The following TMPRSS12 variants were observed in gnomAD, a reference collection of about 807,000 sequenced individuals.
TMPRSS12 encodes the protein transmembrane protease serine 12.
TMPRSS12 carries 25 observed loss-of-function variants against 26.0 expected under a neutral mutation model. The ratio of observed to expected loss-of-function variants is 0.96; its 90% confidence interval spans 0.70 to 1.34. The LOEUF (loss-of-function observed/expected upper bound fraction) is 1.34, where lower values mean the gene tolerates loss of function less well. TMPRSS12 is among the 40% of genes most tolerant of loss of function. The pLI, the probability that TMPRSS12 is intolerant of heterozygous loss-of-function variation, is 0.00. For synonymous variants in TMPRSS12, 150 were observed against 161.7 expected, an observed-to-expected ratio of 0.93 and a Z score of 0.55; for missense variants, 441 against 440.1, an observed-to-expected ratio of 1.00 and a Z score of -0.02.
chr12:50,862,157 G>A, intron 3 of TMPRSS12, among the ~76,000 whole-genome samples: 1 of 152,128 alleles, frequency 6.6e-6, no homozygotes, highest in East Asian at 1.9e-4. Flanking sequence ...TCTTTAAAGT[G>A]AGAGCAATGA....
chr12:50,854,931 G>T (rs920490098), intron 2 of TMPRSS12, among the ~76,000 whole-genome samples: 2 of 151,248 alleles, frequency 1.3e-5, no homozygotes, highest in Admixed American at 1.3e-4. Context: ...TCAAATTACC[G>T]ACAACATTTT....
intron 2 of TMPRSS12, among the ~76,000 whole-genome samples, chr12:50,856,123 T>C (rs78631934): frequency 6.6e-6 from 1 of 152,258 alleles, no homozygotes; most frequent in East Asian, 1.9e-4. Flanking sequence ...GGTGGTGAAA[T>C]AATCTGTACA....
intron 3 of TMPRSS12, among the ~76,000 whole-genome samples, chr12:50,869,262 C>T (rs974453939): frequency 1.3e-5 from 2 of 151,896 alleles, no homozygotes; most frequent in Non-Finnish European, 2.9e-5. Flanking sequence ...GCAGGATTAA[C>T]CAAGAAACGA....
intron 3 of TMPRSS12, among the ~76,000 whole-genome samples, chr12:50,864,471 T>C (rs183966525): frequency 1.1e-4 from 17 of 152,042 alleles, no homozygotes; most frequent in African/African-American, 3.9e-4. Context: ...CAACCAAATA[T>C]CAGTTCAAAG....
intron 2 of TMPRSS12, among the ~76,000 whole-genome samples, chr12:50,853,545 GAATA>G (rs1937846010): frequency 3.6e-5 from 2 of 56,162 alleles, no homozygotes; most frequent in Non-Finnish European, 7.4e-5. Context: ...TTTTTTGAAA[GAATA>G]AATAAGATTG....
At chr12:50,870,851 CAAAAA>C (rs55702806) in intron 3 of TMPRSS12, among the ~76,000 whole-genome samples, 1 of 138,704 alleles carries the variant, frequency 7.2e-6, no homozygotes. Context: ...ATGATAGTTG[CAAAAA>C]AAAAAAAAAA....
At chr12:50,870,888 AAGG>A (rs1938036541) in intron 3 of TMPRSS12, among the ~76,000 whole-genome samples, 1 of 152,106 alleles carries the variant, frequency 6.6e-6, no homozygotes, top group Non-Finnish European at 1.5e-5. Context: ...ATACCTAACA[AAGG>A]AGGCAAAAGA....
intron 3 of TMPRSS12, among the ~76,000 whole-genome samples, chr12:50,871,786 G>C (rs1183462878): frequency 6.6e-6 from 1 of 152,010 alleles, no homozygotes; most frequent in Non-Finnish European, 1.5e-5. Context: ...GACATGAATA[G>C]GCAATTCTCA....
chr12:50,865,965 A>G (rs1241048398), intron 3 of TMPRSS12, among the ~76,000 whole-genome samples: 1 of 152,170 alleles, frequency 6.6e-6, no homozygotes, highest in African/African-American at 2.4e-5. Flanking sequence ...GGGAGGCAGA[A>G]CTAGATTGCA....
At chr12:50,857,015 G>C (rs983162643) in intron 2 of TMPRSS12, among the ~76,000 whole-genome samples, 17 of 152,058 alleles carry the variant, frequency 1.1e-4, no homozygotes, top group African/African-American at 4.1e-4. Context: ...GTAAGAAAAT[G>C]AGAAAACAGA....
chr12:50,843,011 C>G lies in TMPRSS12; in HGVS notation c.47C>G (p.Ser16Cys). 6.2e-7 allele frequency: 1 copy of G among 1,606,058 alleles called. No individual in the cohort carries two copies. Among genetic ancestry groups the G allele is most frequent in the Non-Finnish European group, 8.5e-7 (1 of 1,176,464 alleles). Residue 16 changes from serine to cysteine, a missense_variant, in exon 1 of 5, where the codon TCT becomes TGT. By Grantham distance (112) the Ser-to-Cys change is moderately radical. Coordinates refer to ENST00000398458, the MANE Select transcript of TMPRSS12 (RefSeq NM_182559.3). ...LSVALLFVGS[S>C]HLYSDHYSPS... is the part of the protein sequence containing the mutation. ...GTGGCGCTGTTGTTTGTGGGGAGCT[C>G]TCACTTATACTCAGACCACTACTCG...
At chr12:50,884,035 T>G (rs1938199984) in intron 3 of TMPRSS12, among the ~76,000 whole-genome samples, 1 of 152,086 alleles carries the variant, frequency 6.6e-6, no homozygotes, top group African/African-American at 2.4e-5. Context: ...AAATTAGAAG[T>G]CTCTTGATGG....
intron 3 of TMPRSS12, among the ~76,000 whole-genome samples, chr12:50,872,920 C>T (rs1318068192): frequency 1.4e-5 from 1 of 72,288 alleles, no homozygotes; most frequent in Non-Finnish European, 2.9e-5. Context: ...TATATATGTA[C>T]ATATATGATG....
chr12:50,872,309 C>T (rs535162834), intron 3 of TMPRSS12, among the ~76,000 whole-genome samples: 251 of 149,766 alleles, frequency 1.7e-3, no homozygotes, highest in Middle Eastern at 0.01. Context: ...GTCAGGAGAT[C>T]GAGACCATCC....
intron 3 of TMPRSS12, among the ~76,000 whole-genome samples, chr12:50,878,952 C>T (rs889235344): frequency 6.6e-6 from 1 of 152,158 alleles, no homozygotes; most frequent in Admixed American, 6.5e-5. Context: ...AGCTGCCTTG[C>T]CCTTCCACCA....
chr12:50,865,699 GA>G lies in TMPRSS12; in HGVS notation c.652+6658del, dbSNP rs5798154. ...CATTATACTGAAGTTGAACAACAAA[GA>G]AAAAAAAAAAACAGAAGATCTGAAA... On this transcript the variant is annotated intron_variant, in intron 3 of 4. Transcript: ENST00000398458. 3.5e-3 allele frequency among the ~76,000 whole-genome samples: 464 copies of G among 131,024 alleles called. 6 individuals carry two copies. Among genetic ancestry groups the G allele is most frequent in the African/African-American group, 0.01 (361 of 34,516 alleles). The allele number at this position is 131,024 out of a possible 152,430, so 86.0% of individuals were successfully genotyped here. A position where few individuals can be genotyped will look rare whatever the true frequency, so the allele number is the denominator to read the frequency against.
intron 1 of TMPRSS12, among the ~76,000 whole-genome samples, chr12:50,843,447 T>TG: frequency 6.6e-6 from 1 of 152,310 alleles, no homozygotes; most frequent in Admixed American, 6.5e-5. Flanking sequence ...AGGTGACCAT[T>TG]TCATACTATA....
chr12:50,855,631 G>A (rs112998958), intron 2 of TMPRSS12, among the ~76,000 whole-genome samples: 10,936 of 152,278 alleles, frequency 0.072, 435 homozygotes, highest in Middle Eastern at 0.12. Flanking sequence ...TTCAGTCCCC[G>A]TGGAAACCAG....
chr12:50,869,818 C>A (rs1399572864), intron 3 of TMPRSS12, among the ~76,000 whole-genome samples: 1 of 152,186 alleles, frequency 6.6e-6, no homozygotes, highest in Non-Finnish European at 1.5e-5. Context: ...CACAGTGGCT[C>A]ACACCTGTAA....
Sources: gnomAD v4.1 joint callset for allele counts (sites outside exome capture counted in the v4.1 genomes callset) on GRCh38, gnomAD v4.1.1 for gene constraint, MANE v1.5 for transcripts, NCBI Gene and HGNC (gene_info 2026-07-23, HGNC 2026-07-21) for gene names.